THSD7B: variants seen among roughly 807,000 people sequenced by gnomAD.
THSD7B encodes the protein thrombospondin type 1 domain containing 7B, also known as thrombospondin type-1 domain-containing protein 7B.
A neutral mutation model predicts 213.6 loss-of-function variants in THSD7B; 138 were observed. That is an observed-to-expected ratio of 0.65 (90% CI 0.56 to 0.74). The LOEUF is 0.74. Among genes scored for constraint, THSD7B ranks in the 30% least tolerant of loss-of-function variants. The pLI is 0.00. For synonymous variants in THSD7B, 742 were observed against 687.0 expected, an observed-to-expected ratio of 1.08 and a Z score of -1.25; for missense variants, 1,931 against 1,991.5, an observed-to-expected ratio of 0.97 and a Z score of 0.58.
chr2:137,281,569 G>A (rs1465623734), intron 12 of THSD7B, among the ~76,000 whole-genome samples: 3 of 102,306 alleles, frequency 2.9e-5, no homozygotes, highest in East Asian at 3.1e-4. Flanking sequence ...CCACCCCACA[G>A]CAGTCCCCGG....
At chr2:137,309,158 G>A (rs969633727) in intron 12 of THSD7B, among the ~76,000 whole-genome samples, 1 of 152,042 alleles carries the variant, frequency 6.6e-6, no homozygotes, top group African/African-American at 2.4e-5. Context: ...GCTAATGCCA[G>A]ATCTACTCAA....
At chr2:137,071,011 C>T (rs183860050) in intron 3 of THSD7B, among the ~76,000 whole-genome samples, 125 of 152,146 alleles carry the variant, frequency 8.2e-4, no homozygotes, top group Non-Finnish European at 1.4e-3. Flanking sequence ...TGAATAGTGC[C>T]GCTATAAACA....
At chr2:136,890,366 T>C (rs1303586302) in intron 2 of THSD7B, among the ~76,000 whole-genome samples, 75 of 4,872 alleles carry the variant, frequency 0.015, no homozygotes, top group South Asian at 0.047. Flanking sequence ...TTCTTCTTCT[T>C]CTTCTTCTTC....
intron 13 of THSD7B, among the ~76,000 whole-genome samples, chr2:137,409,441 G>A (rs1277545658): frequency 6.6e-6 from 1 of 152,212 alleles, no homozygotes; most frequent in Non-Finnish European, 1.5e-5. Flanking sequence ...TGGTGATATT[G>A]GTAGAATTGA....
intron 4 of THSD7B, among the ~76,000 whole-genome samples, chr2:137,107,364 G>T (rs1688273492): frequency 6.6e-6 from 1 of 152,100 alleles, no homozygotes; most frequent in Non-Finnish European, 1.5e-5. Flanking sequence ...GGGAGGAGAA[G>T]GTCACACACT....
chr2:136,876,058 C>T (rs1019651782), intron 1 of THSD7B, among the ~76,000 whole-genome samples: 5 of 152,176 alleles, frequency 3.3e-5, no homozygotes, highest in African/African-American at 1.2e-4. Flanking sequence ...GCTGAATGGC[C>T]GTGAGAATGG....
intron 1 of THSD7B, among the ~76,000 whole-genome samples, chr2:136,818,383 T>A (rs903514388): frequency 7.0e-6 from 1 of 143,814 alleles, no homozygotes; most frequent in Admixed American, 7.0e-5. Context: ...AATATCACAC[T>A]CTGGGGACTG....
At chr2:137,058,286 C>G (rs897956094) in intron 3 of THSD7B, among the ~76,000 whole-genome samples, 2 of 152,094 alleles carry the variant, frequency 1.3e-5, no homozygotes, top group Non-Finnish European at 2.9e-5. Context: ...CTTTTTATTG[C>G]CTACTTCTTT....
intron 15 of THSD7B, among the ~76,000 whole-genome samples, chr2:137,509,282 C>T (rs1404828963): frequency 6.9e-6 from 1 of 144,846 alleles, no homozygotes; most frequent in African/African-American, 2.5e-5. Flanking sequence ...TCCTTCCTTT[C>T]TTCCTTCCCT....
chr2:137,145,427 G>T (rs72852203), intron 5 of THSD7B, among the ~76,000 whole-genome samples: 2 of 151,902 alleles, frequency 1.3e-5, no homozygotes, highest in Non-Finnish European at 2.9e-5. Flanking sequence ...TTTCTGGATA[G>T]GTAATGCTGA....
At chr2:137,385,877 A>C (rs1053675870) in intron 12 of THSD7B, among the ~76,000 whole-genome samples, 12 of 152,162 alleles carry the variant, frequency 7.9e-5, no homozygotes, top group Non-Finnish European at 1.5e-4. Flanking sequence ...AATTTATTAC[A>C]CCTTTTAAAA....
At chr2:137,169,286 G>GC (rs1553476061) in intron 6 of THSD7B, among the ~76,000 whole-genome samples, 4 of 140,530 alleles carry the variant, frequency 2.8e-5, no homozygotes, top group African/African-American at 1.0e-4. Flanking sequence ...TTTATTTGAG[G>GC]TTTTTTTTTT....
chr2:136,920,303 A>T (rs1573710956), intron 2 of THSD7B, among the ~76,000 whole-genome samples: 1 of 152,120 alleles, frequency 6.6e-6, no homozygotes, highest in Admixed American at 6.5e-5. Flanking sequence ...GGTCGTCCTG[A>T]TGAGTGTCCA....
chr2:137,656,011 C>T (rs1683229954), intron 22 of THSD7B, among the ~76,000 whole-genome samples: 1 of 152,126 alleles, frequency 6.6e-6, no homozygotes, highest in Non-Finnish European at 1.5e-5. Flanking sequence ...GCACATTGGA[C>T]AGCGTTCAAA....
intron 15 of THSD7B, among the ~76,000 whole-genome samples, chr2:137,539,828 A>G (rs1680577882): frequency 6.6e-6 from 1 of 151,606 alleles, no homozygotes; most frequent in African/African-American, 2.4e-5. Context: ...GTTGACTTAA[A>G]GTCATTTTCT....
At chr2:137,238,534 C>CTTTTT (rs869146863) in intron 9 of THSD7B, among the ~76,000 whole-genome samples, 841 of 51,914 alleles carry the variant, frequency 0.016, 188 homozygotes, top group African/African-American at 0.023. Flanking sequence ...ACTCATCTTT[C>CTTTTT]TTTTTTTTTT....
intron 15 of THSD7B, among the ~76,000 whole-genome samples, chr2:137,519,669 T>C (rs890435661): frequency 1.2e-4 from 18 of 152,172 alleles, no homozygotes; most frequent in African/African-American, 4.3e-4. Flanking sequence ...TGAAGGTGAA[T>C]ATAGAAGGAC....
chr2:137,075,804 A>G (rs1357242737), intron 3 of THSD7B, among the ~76,000 whole-genome samples: 1 of 152,194 alleles, frequency 6.6e-6, no homozygotes, highest in Non-Finnish European at 1.5e-5. Flanking sequence ...TCCTTCAAAC[A>G]GACAGGACCC....
In THSD7B at chr2:137,038,794, C is replaced by G. The variant is rs184844562; in HGVS notation, c.140-17626C>G. Among the ~76,000 whole-genome samples, 139 of 152,268 alleles carry G rather than the reference C, an allele frequency of 9.1e-4. 2 individuals carry two copies. In the East Asian group the frequency reaches 0.015, roughly 16 times the overall value. On this transcript the variant is annotated intron_variant, in intron 2 of 27. Transcript: ENST00000409968. ...CAGGCTATAGTGGGGAGCTGGCTGT[C>G]AACACTGTTGTGAAGTTGGCACATT... is the stretch of plus-strand genomic sequence containing the variant.
Sources: allele counts gnomAD v4.1 joint callset (sites outside exome capture counted in the v4.1 genomes callset), GRCh38; gene constraint gnomAD v4.1.1; transcripts MANE v1.5; gene names NCBI Gene and HGNC (gene_info 2026-07-23, HGNC 2026-07-21).